CACNA1E: variants seen among roughly 807,000 people sequenced by gnomAD.
CACNA1E encodes voltage-dependent R-type calcium channel subunit alpha-1E.
A neutral mutation model predicts 259.2 loss-of-function variants in CACNA1E; 40 were observed. That is an observed-to-expected ratio of 0.15 (90% CI 0.12 to 0.20). The LOEUF is 0.20. CACNA1E is among the 10% of genes least tolerant of loss of function. CACNA1E has a pLI of 1.00. For synonymous variants in CACNA1E, 1,104 were observed against 1,138.5 expected (o/e 0.97, Z 0.61); for missense variants, 1,874 against 3,040.1 (o/e 0.62, Z 9.02).
intron 6 of CACNA1E, among the ~76,000 whole-genome samples, chr1:181,591,582 A>C (rs1363816858): frequency 1.3e-5 from 2 of 152,080 alleles, no homozygotes; most frequent in East Asian, 3.9e-4. Flanking sequence ...AAATATATAC[A>C]ATATATTTAT....
intron 34 of CACNA1E, among the ~76,000 whole-genome samples, chr1:181,765,513 T>C (rs1558363688): frequency 6.6e-6 from 1 of 152,190 alleles, no homozygotes; most frequent in Non-Finnish European, 1.5e-5. Flanking sequence ...TCCCACCCAC[T>C]TTCAGTTGCA....
intron 1 of CACNA1E, among the ~76,000 whole-genome samples, chr1:181,344,646 T>G (rs1487985048): frequency 6.6e-6 from 1 of 152,116 alleles, no homozygotes; most frequent in Non-Finnish European, 1.5e-5. Flanking sequence ...GCAAGGACAG[T>G]GGAATTACAC....
At chr1:181,401,835 C>T (rs997941187) in intron 1 of CACNA1E, among the ~76,000 whole-genome samples, 1 of 152,220 alleles carries the variant, frequency 6.6e-6, no homozygotes, top group African/African-American at 2.4e-5. Flanking sequence ...GCAGAGGCCC[C>T]TCTTCTTGAC....
Position 181,732,781 on chromosome 1 carries a change from G to T in CACNA1E, c.2695G>T (p.Ala899Ser). The T allele has an allele frequency of 6.3e-7, 1 of 1,590,468 alleles. No homozygotes were observed. Among genetic ancestry groups the T allele is most frequent in the Non-Finnish European group, 8.6e-7 (1 of 1,168,014 alleles). ...AAACTGTGACCCGACTCAGCAGGAG[G>T]CAGGGGGAGGAGAGGCTGTGGTGAC... ...HGNCDPTQQEAGGGEAVVTFE... is the reference protein window; with the variant it reads ...HGNCDPTQQESGGGEAVVTFE... Residue 899 changes from alanine (A) to serine (S), a missense_variant, in exon 20 of 48, where the codon GCA becomes TCA. Physicochemically the swap from Ala to Ser is moderately conservative, Grantham distance 99. Transcript: ENST00000367573. This position sits in a 1 kb window ranked among gnomAD's most constrained non-coding sequence, Gnocchi z 5.5.
At chr1:181,731,785 A>G (rs1655504808) in intron 19 of CACNA1E, among the ~76,000 whole-genome samples, 1 of 152,040 alleles carries the variant, frequency 6.6e-6, no homozygotes, top group Admixed American at 6.6e-5. Flanking sequence ...TGGTCTCTGC[A>G]CTTAGCCTTC....
At chr1:181,650,984 A>G (rs1247565214) in intron 6 of CACNA1E, among the ~76,000 whole-genome samples, 1 of 152,232 alleles carries the variant, frequency 6.6e-6, no homozygotes, top group Non-Finnish European at 1.5e-5. Flanking sequence ...AATTTGCCCA[A>G]TTTTGTGTGC....
chr1:181,528,839 C>T (rs1318908898), intron 3 of CACNA1E, among the ~76,000 whole-genome samples: 2 of 152,154 alleles, frequency 1.3e-5, no homozygotes, highest in Non-Finnish European at 2.9e-5. Context: ...CTGTTAAAAG[C>T]ATTCTATTTT....
At chr1:181,637,339 G>A (rs954769580) in intron 6 of CACNA1E, among the ~76,000 whole-genome samples, 11 of 151,910 alleles carry the variant, frequency 7.2e-5, no homozygotes, top group African/African-American at 2.7e-4. Flanking sequence ...TGCTATTTTA[G>A]TGGTGGGAAA....
intron 43 of CACNA1E, among the ~76,000 whole-genome samples, chr1:181,788,290 G>A (rs1661011728): frequency 6.6e-6 from 1 of 152,166 alleles, no homozygotes; most frequent in South Asian, 2.1e-4. Context: ...TTGGGACACT[G>A]GTGGAACAGC....
At chr1:181,410,795 G>C (rs1365858135) in intron 1 of CACNA1E, among the ~76,000 whole-genome samples, 1 of 152,150 alleles carries the variant, frequency 6.6e-6, no homozygotes, top group Non-Finnish European at 1.5e-5. Context: ...GTGGACCTCA[G>C]CATCCATAAA....
Position 181,641,696 on chromosome 1 carries a change from A to ATTTTTT in CACNA1E, c.952-9641_952-9636dup, listed in dbSNP as rs1369217611. 5.2e-4 allele frequency among the ~76,000 whole-genome samples: 54 copies of ATTTTTT among 104,066 alleles called. 2 individuals carry two copies. The highest frequency in any genetic ancestry group is 1.5e-3 in the African/African-American group (36 of 24,748). The allele number at this position is 104,066 out of a possible 152,430, so 68.3% of individuals were successfully genotyped here. A position where few individuals can be genotyped will look rare whatever the true frequency, so the allele number is the denominator to read the frequency against. ...CAAATGAGATCATGAGGCAACACTA[A>ATTTTTT]TTTTTTGTTTTTTTTTTTTTTTTTT... On this transcript the variant is annotated intron_variant, in intron 6 of 47. Transcript: ENST00000367573.
intron 7 of CACNA1E, among the ~76,000 whole-genome samples, chr1:181,699,280 T>C (rs527745370): frequency 1.3e-5 from 2 of 152,340 alleles, no homozygotes; most frequent in East Asian, 3.9e-4. Context: ...ATCCTTTTAT[T>C]GTGTAGCTTA....
At position 181,491,822 on chromosome 1, in the gene CACNA1E, A is replaced by C. The variant is rs576099335; in HGVS notation, c.266+7812A>C. On this transcript the variant is annotated intron_variant, in intron 1 of 47. Coordinates refer to ENST00000367573, the MANE Select transcript of CACNA1E (RefSeq NM_001205293.3). The stretch of plus-strand genomic sequence containing the variant: ...TCCAGCACCTAGCACATGCTGGCAC[A>C]TGGTGAGCATTCAGTAAACTTTTGT... Among the ~76,000 whole-genome samples, 3 of 152,352 alleles carry C rather than the reference A, an allele frequency of 2.0e-5. No homozygotes were observed. The East Asian group carries it at 5.8e-4, about 29-fold the overall frequency.
intron 7 of CACNA1E, among the ~76,000 whole-genome samples, chr1:181,690,226 A>G (rs1178310620): frequency 1.3e-5 from 2 of 152,212 alleles, no homozygotes; most frequent in Non-Finnish European, 2.9e-5. Context: ...CATTTATTAA[A>G]TAGGGAATCC....
chr1:181,332,972 G>T (rs1651404463), intron 1 of CACNA1E, among the ~76,000 whole-genome samples: 1 of 152,168 alleles, frequency 6.6e-6, no homozygotes, highest in Admixed American at 6.5e-5. Flanking sequence ...GATACTACTA[G>T]GTGGAAAGGC....
chr1:181,441,440 G>A (rs1431746529), intron 2 of CACNA1E, among the ~76,000 whole-genome samples: 2 of 152,194 alleles, frequency 1.3e-5, no homozygotes, highest in East Asian at 3.9e-4. Context: ...GTGAGCCACC[G>A]CACCTGGCCC....
intron 8 of CACNA1E, among the ~76,000 whole-genome samples, chr1:181,713,826 A>G (rs1011086606): frequency 6.6e-6 from 1 of 152,112 alleles, no homozygotes; most frequent in African/African-American, 2.4e-5. Flanking sequence ...ATGCACTTGG[A>G]GGGATGCTAG....
chr1:181,679,699 C>T (rs531771181), intron 7 of CACNA1E, among the ~76,000 whole-genome samples: 2 of 152,314 alleles, frequency 1.3e-5, no homozygotes, highest in South Asian at 4.1e-4. Context: ...CTCCTCCTGT[C>T]AGTGGCTGGG....
At chr1:181,323,700 C>T (rs1281452386) in intron 1 of CACNA1E, among the ~76,000 whole-genome samples, 3 of 152,218 alleles carry the variant, frequency 2.0e-5, no homozygotes, top group Admixed American at 1.3e-4. Context: ...AATTGAGTTA[C>T]TCTTGACTTA....
Sources: gnomAD v4.1 joint callset for allele counts (sites outside exome capture counted in the v4.1 genomes callset) on GRCh38, gnomAD v4.1.1 for gene constraint, Gnocchi (gnomAD v3.1) non-coding constraint, MANE v1.5 for transcripts, NCBI Gene and HGNC (gene_info 2026-07-23, HGNC 2026-07-21) for gene names.